The following TENM3 variants were observed in gnomAD, a reference collection of about 807,000 sequenced individuals.
The protein encoded by TENM3 is teneurin transmembrane protein 3, also known as teneurin-3.
Under a neutral mutation model 255.1 loss-of-function variants are expected in TENM3, and 63 were observed. That is an observed-to-expected ratio of 0.25 (90% CI 0.20 to 0.30). The LOEUF is 0.30. Ranked by LOEUF, TENM3 falls within the 10% of genes least tolerant of loss-of-function variation. TENM3 has a pLI of 1.00. For synonymous variants in TENM3, 1,306 were observed against 1,322.3 expected, an observed-to-expected ratio of 0.99 and a Z score of 0.27; for missense variants, 2,929 against 3,461.1, an observed-to-expected ratio of 0.85 and a Z score of 3.86.
At chr4:182,212,623 A>G (rs1755130807) in intron 1 of TENM3, among the ~76,000 whole-genome samples, 1 of 152,210 alleles carries the variant, frequency 6.6e-6, no homozygotes, top group Non-Finnish European at 1.5e-5. Flanking sequence ...TAAAATGCTC[A>G]GAGCTGCCTC....
At chr4:182,339,864 C>T (rs371859540) in intron 2 of TENM3, among the ~76,000 whole-genome samples, 7 of 152,050 alleles carry the variant, frequency 4.6e-5, no homozygotes, top group African/African-American at 1.7e-4. Context: ...GAAGTCATTT[C>T]TAAGTAAACA....
the TENM3 span, among the ~76,000 whole-genome samples, chr4:181,493,196 T>A: frequency 6.6e-6 from 1 of 150,748 alleles, no homozygotes; most frequent in Non-Finnish European, 1.5e-5. Flanking sequence ...TTTGGGAGGC[T>A]AAGGCAGGTG....
chr4:181,654,460 C>G, the TENM3 span, among the ~76,000 whole-genome samples: 266 of 152,144 alleles, frequency 1.7e-3, 2 homozygotes, highest in African/African-American at 6.2e-3. Context: ...TTCATTTCGG[C>G]TAAACCAATT....
At chr4:181,779,421 T>G in the TENM3 span, among the ~76,000 whole-genome samples, 2 of 151,974 alleles carry the variant, frequency 1.3e-5, no homozygotes, top group African/African-American at 4.8e-5. Flanking sequence ...AGTTTCATTT[T>G]CCAACCTAAC....
chr4:182,074,197 C>G, the TENM3 span, among the ~76,000 whole-genome samples: 8 of 152,132 alleles, frequency 5.3e-5, no homozygotes, highest in South Asian at 2.1e-4. Context: ...CAGATCACAT[C>G]CAGGCTTTAT....
the TENM3 span, among the ~76,000 whole-genome samples, chr4:181,602,718 G>A: frequency 1.3e-5 from 2 of 152,126 alleles, no homozygotes; most frequent in Admixed American, 1.3e-4. Context: ...TAGTATTAAG[G>A]AGTAAATGTC....
intron 1 of TENM3, among the ~76,000 whole-genome samples, chr4:182,278,872 C>T (rs140332850): frequency 6.6e-6 from 1 of 152,320 alleles, no homozygotes; most frequent in Non-Finnish European, 1.5e-5. Context: ...ATGTCATGCG[C>T]TGCGGGCTCC....
At chr4:181,640,965 G>A in the TENM3 span, among the ~76,000 whole-genome samples, 36 of 152,220 alleles carry the variant, frequency 2.4e-4, no homozygotes, top group Non-Finnish European at 3.7e-4. Flanking sequence ...TTGAAAGGGT[G>A]AACTATTTCT....
At chr4:182,418,768 G>T (rs1393246472) in intron 3 of TENM3, among the ~76,000 whole-genome samples, 1 of 152,046 alleles carries the variant, frequency 6.6e-6, no homozygotes, top group Non-Finnish European at 1.5e-5. Flanking sequence ...TCGCCATGTT[G>T]CCCAGGCTGG....
the TENM3 span, among the ~76,000 whole-genome samples, chr4:181,617,903 G>A: frequency 6.6e-6 from 1 of 152,174 alleles, no homozygotes; most frequent in African/African-American, 2.4e-5. Flanking sequence ...GTGGAGCAGA[G>A]AAACAAGGAT....
intron 1 of TENM3, among the ~76,000 whole-genome samples, chr4:182,243,866 G>C (rs1472736097): frequency 1.3e-5 from 2 of 151,686 alleles, no homozygotes. Flanking sequence ...AAATGAAAGA[G>C]AGGCAGGGCA....
At chr4:182,412,922 T>C (rs1770099163) in intron 3 of TENM3, among the ~76,000 whole-genome samples, 1 of 149,750 alleles carries the variant, frequency 6.7e-6, no homozygotes, top group African/African-American at 2.5e-5. Flanking sequence ...ACAGAATATA[T>C]AATAAAGTAC....
At chr4:182,526,971 C>T (rs796996039) in intron 3 of TENM3, among the ~76,000 whole-genome samples, 8 of 140,404 alleles carry the variant, frequency 5.7e-5, no homozygotes, top group African/African-American at 2.5e-4. Flanking sequence ...TTTCTGAGTT[C>T]TTTAATTTTT....
At chr4:181,540,485 GAA>G in the TENM3 span, among the ~76,000 whole-genome samples, 4 of 152,072 alleles carry the variant, frequency 2.6e-5, no homozygotes, top group African/African-American at 9.7e-5. Flanking sequence ...GACAGGGAGA[GAA>G]AAAGAGCAAC....
At chr4:182,576,353 G>C (rs1643771219) in intron 3 of TENM3, among the ~76,000 whole-genome samples, 2 of 152,148 alleles carry the variant, frequency 1.3e-5, no homozygotes, top group African/African-American at 4.8e-5. Context: ...AACAAAGAAA[G>C]GTTTTGCTAT....
the TENM3 span, among the ~76,000 whole-genome samples, chr4:181,920,689 T>G: frequency 1.3e-5 from 2 of 151,788 alleles, no homozygotes; most frequent in Non-Finnish European, 2.9e-5. Context: ...AGGTTGCCTG[T>G]TCACTCTGAT....
chr4:182,309,096 C>A (rs1394358156), intron 1 of TENM3, among the ~76,000 whole-genome samples: 1 of 152,138 alleles, frequency 6.6e-6, no homozygotes, highest in Non-Finnish European at 1.5e-5. Flanking sequence ...AGACTGAACC[C>A]AAAGGGTTTT....
At chr4:181,840,997 G>A in the TENM3 span, among the ~76,000 whole-genome samples, 65 of 152,232 alleles carry the variant, frequency 4.3e-4, no homozygotes, top group African/African-American at 1.4e-3. Flanking sequence ...AATCCATGCT[G>A]TTTTAGGAAA....
chr4:181,532,592 C>T, the TENM3 span, among the ~76,000 whole-genome samples: 4 of 152,042 alleles, frequency 2.6e-5, no homozygotes, highest in African/African-American at 7.2e-5. Flanking sequence ...AACAAAACAC[C>T]CTATTTGAGT....
Sources: gnomAD v4.1 joint callset for allele counts (sites outside exome capture counted in the v4.1 genomes callset) on GRCh38, gnomAD v4.1.1 for gene constraint, MANE v1.5 for transcripts, NCBI Gene and HGNC (gene_info 2026-07-23, HGNC 2026-07-21) for gene names.